Variants in CLVS1 observed in about 807,000 individuals in gnomAD.
CLVS1 encodes the protein clavesin-1.
Under a neutral mutation model 33.1 loss-of-function variants are expected in CLVS1, and 10 were observed. The ratio of observed to expected loss-of-function variants is 0.30; its 90% CI spans 0.19 to 0.51. CLVS1 has a LOEUF of 0.51. CLVS1 is among the 20% of genes least tolerant of loss of function. CLVS1 has a pLI of 0.97. For missense variants in CLVS1, 343 were observed against 433.4 expected (o/e 0.79, Z 1.85); for synonymous variants, 163 against 166.1 (o/e 0.98, Z 0.14).
chr8:61,023,967 T>C, the CLVS1 span, among the ~76,000 whole-genome samples: 1 of 151,920 alleles, frequency 6.6e-6, no homozygotes, highest in Non-Finnish European at 1.5e-5. Context: ...CCTCCCGTTC[T>C]TCTTTATAAA....
chr8:61,354,954 A>G (rs1812629603), intron 2 of CLVS1, among the ~76,000 whole-genome samples: 1 of 152,312 alleles, frequency 6.6e-6, no homozygotes, highest in African/African-American at 2.4e-5. Flanking sequence ...ACATATACAC[A>G]TGCACACATA....
chr8:61,340,889 A>G (rs1306496316), intron 2 of CLVS1, among the ~76,000 whole-genome samples: 2 of 152,348 alleles, frequency 1.3e-5, no homozygotes, highest in African/African-American at 2.4e-5. Flanking sequence ...AATTGGTTCA[A>G]TAATTTTTAA....
intron 3 of CLVS1, among the ~76,000 whole-genome samples, chr8:61,448,387 T>C (rs1184869729): frequency 2.0e-5 from 3 of 152,122 alleles, no homozygotes; most frequent in South Asian, 2.1e-4. Context: ...AAATTTTAGA[T>C]TTTTTTGTTA....
Position 61,145,738 on chromosome 8 carries a change from G to A in CLVS1, c.-152+13878G>A, listed in dbSNP as rs73682128. ...TCGGGCAAGTCACACAGGCACCCAC[G>A]GCTGCTGGAAACGATTGTGGTCAGT... On this transcript the variant is annotated intron_variant, in intron 2 of 2. Transcript: ENST00000522621. Among the ~76,000 whole-genome samples the A allele has an allele frequency of 4.9e-3, 739 of 152,280 alleles. 7 individuals carry two copies. Among genetic ancestry groups the A allele is most frequent in the African/African-American group, 0.017 (689 of 41,558 alleles).
chr8:61,488,959 A>G (rs1248225378), intron 5 of CLVS1, among the ~76,000 whole-genome samples: 1 of 152,070 alleles, frequency 6.6e-6, no homozygotes, highest in Admixed American at 6.6e-5. Flanking sequence ...CTCTACTCTC[A>G]TCAATGTTCA....
At chr8:61,154,829 T>G (rs901535995) in intron 2 of CLVS1, among the ~76,000 whole-genome samples, 2 of 152,218 alleles carry the variant, frequency 1.3e-5, no homozygotes, top group Non-Finnish European at 2.9e-5. Flanking sequence ...TCAACAAATC[T>G]TAGCTATTGT....
intron 5 of CLVS1, among the ~76,000 whole-genome samples, chr8:61,461,878 A>G (rs1394568327): frequency 7.0e-6 from 1 of 143,784 alleles, no homozygotes; most frequent in Admixed American, 6.9e-5. Context: ...AAAATGCTTG[A>G]TATGACCAGA....
intron 2 of CLVS1, among the ~76,000 whole-genome samples, chr8:61,261,178 G>T (rs1050591835): frequency 2.0e-5 from 3 of 152,174 alleles, no homozygotes; most frequent in African/African-American, 7.2e-5. Flanking sequence ...TAAGTGGCTA[G>T]GGAGCCCTGG....
intron 2 of CLVS1, among the ~76,000 whole-genome samples, chr8:61,281,447 G>A (rs2931291): frequency 0.27 from 40,734 of 152,122 alleles, 6,681 homozygotes; most frequent in Non-Finnish European, 0.35. Context: ...CATTAGGAAT[G>A]TGCATAAACA....
chr8:61,248,818 T>A (rs1183651927), intron 2 of CLVS1, among the ~76,000 whole-genome samples: 1 of 152,146 alleles, frequency 6.6e-6, no homozygotes, highest in Non-Finnish European at 1.5e-5. Context: ...TGCTGTAGGA[T>A]AATCTGATTG....
the CLVS1 span, among the ~76,000 whole-genome samples, chr8:61,014,720 A>T: frequency 6.6e-6 from 1 of 152,266 alleles, no homozygotes; most frequent in Admixed American, 6.5e-5. Context: ...TGACAAAGGT[A>T]GGATGATGCA....
chr8:60,983,154 G>A, the CLVS1 span, among the ~76,000 whole-genome samples: 2 of 152,104 alleles, frequency 1.3e-5, no homozygotes, highest in Non-Finnish European at 2.9e-5. Flanking sequence ...TCTATGAGCA[G>A]GAGGATGCTC....
chr8:61,421,442 G>C (rs1165987931), intron 3 of CLVS1, among the ~76,000 whole-genome samples: 2 of 152,184 alleles, frequency 1.3e-5, no homozygotes, highest in African/African-American at 2.4e-5. Context: ...TCCAGCAATA[G>C]AGCCATCCTC....
chr8:61,032,999 AAGAAAGAAAGAAAG>A, the CLVS1 span, among the ~76,000 whole-genome samples: 1 of 77,614 alleles, frequency 1.3e-5, no homozygotes, highest in African/African-American at 5.0e-5. Flanking sequence ...GAAGGAAAGA[AAGAAAGAAAGAAAG>A]AAAGAAAGAA....
chr8:61,177,775 C>T (rs1807145891), intron 2 of CLVS1, among the ~76,000 whole-genome samples: 1 of 149,584 alleles, frequency 6.7e-6, no homozygotes, highest in Non-Finnish European at 1.5e-5. Context: ...GAAAAACAAA[C>T]ACAACGGAAA....
intron 3 of CLVS1, among the ~76,000 whole-genome samples, chr8:61,380,395 T>A (rs1361778175): frequency 6.6e-6 from 1 of 152,334 alleles, no homozygotes. Context: ...GATTTTTACA[T>A]CAAAATTTAT....
chr8:61,472,512 T>C (rs1367731693), intron 5 of CLVS1, among the ~76,000 whole-genome samples: 1 of 152,170 alleles, frequency 6.6e-6, no homozygotes, highest in Admixed American at 6.6e-5. Context: ...TCATCAACCA[T>C]CCATAAAGGA....
intron 2 of CLVS1, among the ~76,000 whole-genome samples, chr8:61,182,582 T>C (rs1458062217): frequency 6.6e-6 from 1 of 152,026 alleles, no homozygotes; most frequent in Non-Finnish European, 1.5e-5. Context: ...GAAAAAAAGC[T>C]CAACATCACT....
At chr8:61,263,999 A>G (rs185418955) in intron 2 of CLVS1, among the ~76,000 whole-genome samples, 1 of 152,260 alleles carries the variant, frequency 6.6e-6, no homozygotes, top group Admixed American at 6.5e-5. Flanking sequence ...ACAAAGAGAG[A>G]GACTACCTGA....
Sources: gnomAD v4.1 joint callset for allele counts (sites outside exome capture counted in the v4.1 genomes callset) on GRCh38, gnomAD v4.1.1 for gene constraint, MANE v1.5 for transcripts, NCBI Gene and HGNC (gene_info 2026-07-23, HGNC 2026-07-21) for gene names.